The following DPY30 variants were observed in gnomAD, a reference collection of about 807,000 sequenced individuals.
The protein encoded by DPY30 is protein dpy-30 homolog.
A neutral mutation model predicts 16.2 loss-of-function variants in DPY30; 6 were observed. The ratio of observed to expected loss-of-function variants is 0.37; its 90% CI spans 0.20 to 0.73. The LOEUF (loss-of-function observed/expected upper bound fraction) is 0.73, where lower values mean the gene tolerates loss of function less well. Ranked by LOEUF, DPY30 falls within the 30% of genes least tolerant of loss-of-function variation. The probability of loss-of-function intolerance (pLI) is 0.51; values close to 1 mark genes in which losing one functional copy is unlikely to be tolerated. For missense variants in DPY30, 73 were observed against 113.1 expected, an observed-to-expected ratio of 0.65 and a Z score of 1.61; for synonymous variants, 39 against 38.8, an observed-to-expected ratio of 1.00 and a Z score of -0.02.
chr2:32,036,403 G>C (rs1400215810), intron 3 of DPY30, among the ~76,000 whole-genome samples: 3 of 152,144 alleles, frequency 2.0e-5, no homozygotes, highest in Non-Finnish European at 4.4e-5. Flanking sequence ...TGGGCGCGGT[G>C]GCTCACGCCT....
intron 3 of DPY30, among the ~76,000 whole-genome samples, chr2:32,029,975 T>C (rs1675471042): frequency 6.6e-6 from 1 of 151,826 alleles, no homozygotes; most frequent in Admixed American, 6.6e-5. Context: ...TGTCTCAAGA[T>C]CCTACTCTTT....
At chr2:32,021,765 AAAT>A (rs1415602097), downstream of DPY30, among the ~76,000 whole-genome samples, 1 of 151,868 alleles carries the variant, frequency 6.6e-6, no homozygotes, top group African/African-American at 2.4e-5. Context: ...GTTAACACAT[AAAT>A]AATACTTATA....
intron 2 of DPY30, 41 bp from the exon 3 acceptor site, chr2:32,039,367 C>T (rs1558595775): frequency 1.9e-6 from 3 of 1,614,144 alleles, no homozygotes; most frequent in Middle Eastern, 1.6e-4. Flanking sequence ...TAAGTCCCCC[C>T]TTTCTCGCTG....
At chr2:32,023,442 T>A, downstream of DPY30, 1 of 471,516 alleles carries the variant, frequency 2.1e-6, no homozygotes. Context: ...GTCTTGAGCA[T>A]GTCACTTAAC....
In DPY30 at chr2:32,039,263, G is replaced by C; in HGVS notation, c.84+16C>G. ...AAGAGACAACACAGATGAGGCATAG[G>C]AACTTGGCGAGTTACCTCAACGTTG... On this transcript the variant is annotated intron_variant, in intron 3 of 4. Coordinates refer to ENST00000342166, the MANE Select transcript of DPY30 (RefSeq NM_001321209.2). The C allele has an allele frequency of 6.2e-7, 1 of 1,614,142 alleles. No individual in the cohort carries two copies. The highest frequency in any genetic ancestry group is 1.1e-5 in the South Asian group (1 of 91,086).
upstream of DPY30, chr2:32,039,813 G>A (rs770909537): frequency 1.7e-5 from 6 of 345,758 alleles, no homozygotes; most frequent in Non-Finnish European, 1.1e-5. Context: ...CGTAAGTGAC[G>A]GCTGTCGCAC....
At chr2:32,035,003 A>C in intron 3 of DPY30, among the ~76,000 whole-genome samples, 1 of 151,954 alleles carries the variant, frequency 6.6e-6, no homozygotes, top group East Asian at 1.9e-4. Context: ...CTCAAAAAAG[A>C]AAAATAAAAA....
intron 3 of DPY30, among the ~76,000 whole-genome samples, chr2:32,038,002 T>C (rs1287513412): frequency 6.6e-6 from 1 of 152,098 alleles, no homozygotes; most frequent in Non-Finnish European, 1.5e-5. Context: ...TGCTTCTATC[T>C]TCAGCCCCAT....
chr2:32,027,467 T>A (rs1206289447), intron 4 of DPY30, among the ~76,000 whole-genome samples: 2 of 147,532 alleles, frequency 1.4e-5, no homozygotes, highest in Non-Finnish European at 3.0e-5. Context: ...GAGGTGGAGG[T>A]TGCAGTGACC....
At chr2:32,018,771 G>A (rs1675109880) in intron 5 of DPY30, among the ~76,000 whole-genome samples, 1 of 152,116 alleles carries the variant, frequency 6.6e-6, no homozygotes, top group Admixed American at 6.6e-5. Context: ...TGTAATCTCA[G>A]CACTTTGGGA....
chr2:32,036,405 C>T (rs967450945), intron 3 of DPY30, among the ~76,000 whole-genome samples: 2 of 152,112 alleles, frequency 1.3e-5, no homozygotes, highest in Admixed American at 6.6e-5. Context: ...GGCGCGGTGG[C>T]TCACGCCTGT....
chr2:32,029,698 T>G lies in DPY30; in HGVS notation c.123A>C (p.Ser41=). 1 of 1,614,154 alleles carries G rather than the reference T, an allele frequency of 6.2e-7. No homozygotes were observed. The highest frequency in any genetic ancestry group is 8.5e-7 in the Non-Finnish European group (1 of 1,180,008). Residue 41 remains serine (S), a synonymous_variant, in exon 4 of 5, where the codon TCA becomes TCC. Transcript: ENST00000342166. ...VENEKINAEK[S]SKQKVDLQSL... ...ACTGGAGATCTACCTTCTGCTTTGATGACTTTTCTGCATTAATCTTCTCAT... is the reference window on the plus strand; with the variant it reads ...ACTGGAGATCTACCTTCTGCTTTGAGGACTTTTCTGCATTAATCTTCTCAT...
intron 4 of DPY30, among the ~76,000 whole-genome samples, chr2:32,029,055 T>C (rs2148661305): frequency 6.6e-6 from 1 of 152,074 alleles, no homozygotes; most frequent in Admixed American, 6.6e-5. Flanking sequence ...GCAGATCACT[T>C]GAGGTTAGGA....
rs1439482290 is a variant in DPY30 at position 32,039,382 on chromosome 2, C to A, written c.36+39G>T. ...TAAGTCCCCCCTTTCTCGCTGCCTC[C>A]CTGCACACCGCCACCCTGAATCCAC... On this transcript the variant is annotated intron_variant, in intron 2 of 4. Transcript: ENST00000342166. 4.3e-6 allele frequency: 7 copies of A among 1,614,008 alleles called. No homozygotes were observed. In the Admixed American group the frequency reaches 1.2e-4, roughly 27 times the overall value.
At position 32,013,657 on chromosome 2, in the gene DPY30, A is replaced by G. The variant is rs150119647; in HGVS notation, n.378-1605T>C. Among the ~76,000 whole-genome samples the G allele has an allele frequency of 7.9e-5, 12 of 152,354 alleles. No individual in the cohort carries two copies. The East Asian group carries it at 2.3e-3, about 29-fold the overall frequency. The stretch of plus-strand genomic sequence containing the variant: ...ACACTGCATAAGCATTATTCATAGT[A>G]GGGAGCAAGGAGGAAACTTTTATTA... On this transcript the variant is annotated intron_variant and non_coding_transcript_variant, in intron 5 of 5. Coordinates refer to the DPY30 transcript ENST00000414013.
At chr2:32,025,831 G>A (rs1675313658) in intron 4 of DPY30, among the ~76,000 whole-genome samples, 1 of 151,694 alleles carries the variant, frequency 6.6e-6, no homozygotes, top group Non-Finnish European at 1.5e-5. Context: ...ACTTGGGCCG[G>A]GCACGGTGGC....
At chr2:32,038,351 C>T (rs1426626059) in intron 3 of DPY30, among the ~76,000 whole-genome samples, 2 of 135,154 alleles carry the variant, frequency 1.5e-5, no homozygotes, top group Non-Finnish European at 3.0e-5. Flanking sequence ...ATCAGCTAGC[C>T]TTGGCCCTCA....
downstream of DPY30, among the ~76,000 whole-genome samples, chr2:32,022,209 CAAAAAAA>C (rs200317417): frequency 1.6e-5 from 1 of 64,366 alleles, no homozygotes; most frequent in Non-Finnish European, 3.1e-5. Flanking sequence ...GACCTTGTCT[CAAAAAAA>C]AAAAAAAAAA....
At chr2:32,037,954 T>G (rs1251706839) in intron 3 of DPY30, among the ~76,000 whole-genome samples, 2 of 151,944 alleles carry the variant, frequency 1.3e-5, no homozygotes, top group Middle Eastern at 3.2e-3. Context: ...GCTGTTAATA[T>G]TAATATTAAT....
Sources: allele counts gnomAD v4.1 joint callset (sites outside exome capture counted in the v4.1 genomes callset), GRCh38; gene constraint gnomAD v4.1.1; transcripts MANE v1.5; gene names NCBI Gene and HGNC (gene_info 2026-07-23, HGNC 2026-07-21).